PCDHGB3: variants seen among roughly 807,000 people sequenced by gnomAD.
PCDHGB3 encodes protocadherin gamma subfamily B, 3, also known as protocadherin gamma-B3.
Under a neutral mutation model 59.2 loss-of-function variants are expected in PCDHGB3, and 40 were observed. That is an observed-to-expected ratio of 0.68 (90% confidence interval 0.52 to 0.88). PCDHGB3 has a LOEUF of 0.88. Among genes scored for constraint, PCDHGB3 ranks in the 40% least tolerant of loss-of-function variants. The pLI is 0.00. For missense variants in PCDHGB3, 1,309 were observed against 1,187.9 expected (o/e 1.10, Z -1.50); for synonymous variants, 581 against 503.6 (o/e 1.15, Z -2.06).
intron 1 of PCDHGB3, among the ~76,000 whole-genome samples, chr5:141,458,380 G>T (rs1592559992): frequency 6.6e-6 from 1 of 152,136 alleles, no homozygotes; most frequent in African/African-American, 2.4e-5. Flanking sequence ...AAGAGAGAAG[G>T]AAGACGCTCC....
chr5:141,421,389 G>T (rs200646513), intron 1 of PCDHGB3: 1 of 1,613,934 alleles, frequency 6.2e-7, no homozygotes, highest in African/African-American at 1.3e-5. Context: ...AGGACCTGGG[G>T]CTGGAGCCCC....
At chr5:141,403,546 C>A (rs62378450) in intron 1 of PCDHGB3, 1 of 1,613,984 alleles carries the variant, frequency 6.2e-7, no homozygotes, top group South Asian at 1.1e-5. Flanking sequence ...TGCTGGAGCG[C>A]GCCCTGGACA....
intron 1 of PCDHGB3, chr5:141,415,797 C>G (rs940812419): frequency 3.9e-5 from 52 of 1,331,434 alleles, no homozygotes; most frequent in Non-Finnish European, 4.8e-5. Context: ...TTCACCTAGT[C>G]TCAATCAAGG....
intron 1 of PCDHGB3, chr5:141,478,819 C>G (rs927315523): frequency 2.1e-6 from 3 of 1,447,842 alleles, no homozygotes; most frequent in Non-Finnish European, 2.7e-6. Context: ...CACAACTAAC[C>G]AATCTTGCTA....
intron 1 of PCDHGB3, among the ~76,000 whole-genome samples, chr5:141,482,329 T>C (rs1334833454): frequency 6.6e-6 from 1 of 152,160 alleles, no homozygotes; most frequent in Non-Finnish European, 1.5e-5. Context: ...ATAAAGAGAA[T>C]ATCTACTTTG....
At chr5:141,375,224 C>T in intron 1 of PCDHGB3, 1 of 1,613,976 alleles carries the variant, frequency 6.2e-7, no homozygotes, top group South Asian at 1.1e-5. Context: ...CCTGAATGGC[C>T]TGGTAACCTG....
chr5:141,391,885 G>C (rs1250781964), intron 1 of PCDHGB3: 2 of 152,194 alleles, frequency 1.3e-5, no homozygotes, highest in Non-Finnish European at 2.9e-5. Flanking sequence ...TGGTGAAAGG[G>C]ATGGGATGGA....
intron 1 of PCDHGB3, chr5:141,388,942 T>C: frequency 6.2e-7 from 1 of 1,614,004 alleles, no homozygotes; most frequent in African/African-American, 1.3e-5. Flanking sequence ...CTACCCAACC[T>C]AATTATGGAG....
chr5:141,459,545 T>G (rs534173050), intron 1 of PCDHGB3, among the ~76,000 whole-genome samples: 81 of 152,348 alleles, frequency 5.3e-4, no homozygotes, highest in South Asian at 1.0e-3. Context: ...TTTTTTTATT[T>G]CTCTTGGATA....
chr5:141,374,528 T>C (rs759567011), intron 1 of PCDHGB3: 27 of 1,612,930 alleles, frequency 1.7e-5, no homozygotes, highest in Non-Finnish European at 2.1e-5. Context: ...CGCAGCTCCA[T>C]CCTCTCGTTT....
At chr5:141,392,820 G>T in intron 1 of PCDHGB3, 1 of 1,592,868 alleles carries the variant, frequency 6.3e-7, no homozygotes. Flanking sequence ...AACAATGGCC[G>T]CTCCACAGAG....
At chr5:141,454,428 CAG>C (rs1412897540) in intron 1 of PCDHGB3, among the ~76,000 whole-genome samples, 1 of 152,172 alleles carries the variant, frequency 6.6e-6, no homozygotes, top group Admixed American at 6.5e-5. Flanking sequence ...TATTTAGAGA[CAG>C]AGTTTCACTC....
At chr5:141,395,807 A>G (rs1561656089) in intron 1 of PCDHGB3, 1 of 152,004 alleles carries the variant, frequency 6.6e-6, no homozygotes, top group Non-Finnish European at 1.5e-5. Context: ...ATCCTTCAAA[A>G]CATGAACAAA....
At chr5:141,436,738 G>T (rs1207400781) in intron 1 of PCDHGB3, among the ~76,000 whole-genome samples, 2 of 152,306 alleles carry the variant, frequency 1.3e-5, no homozygotes, top group South Asian at 2.1e-4. Context: ...AATGATTTTT[G>T]TGTGCTTCTC....
chr5:141,501,130 G>A (rs528942194), intron 2 of PCDHGB3, among the ~76,000 whole-genome samples: 5 of 152,100 alleles, frequency 3.3e-5, no homozygotes, highest in African/African-American at 4.8e-5. Flanking sequence ...GCCTCCCTAA[G>A]TGCTGGGATT....
At chr5:141,437,878 C>A (rs1047761465) in intron 1 of PCDHGB3, among the ~76,000 whole-genome samples, 13 of 151,996 alleles carry the variant, frequency 8.6e-5, no homozygotes, top group Non-Finnish European at 1.5e-4. Flanking sequence ...GCTGGGACTA[C>A]AGGCACACGC....
chr5:141,432,615 T>G lies in PCDHGB3; in HGVS notation c.2415+59806T>G. ...GCCAGCGAGCCGGGACTCTTCTCGG[T>G]GGGTCTGCACACGGGCGAGGTGCGC... On this transcript the variant is annotated intron_variant, in intron 1 of 3. Coordinates refer to ENST00000576222, the MANE Select transcript of PCDHGB3 (RefSeq NM_018924.5). The surrounding 1 kb of genome is among the most constrained non-coding windows in gnomAD (Gnocchi z 6.0). The G allele has an allele frequency of 2.5e-6, 4 of 1,613,820 alleles. No homozygotes were observed. The highest frequency in any genetic ancestry group is 1.1e-5 in the South Asian group (1 of 91,054).
chr5:141,464,640 C>T (rs1482089475), intron 1 of PCDHGB3, among the ~76,000 whole-genome samples: 2 of 151,952 alleles, frequency 1.3e-5, no homozygotes, highest in Admixed American at 6.6e-5. Context: ...TTGTTGCCAA[C>T]CTGATGGGTA....
At chr5:141,481,035 G>C (rs1342607604) in intron 1 of PCDHGB3, among the ~76,000 whole-genome samples, 1 of 152,094 alleles carries the variant, frequency 6.6e-6, no homozygotes, top group Non-Finnish European at 1.5e-5. Flanking sequence ...TCCAGCCTGG[G>C]CGACAGAGCG....
Sources: gnomAD v4.1 joint callset for allele counts (sites outside exome capture counted in the v4.1 genomes callset) on GRCh38, gnomAD v4.1.1 for gene constraint, Gnocchi (gnomAD v3.1) non-coding constraint, MANE v1.5 for transcripts, NCBI Gene and HGNC (gene_info 2026-07-23, HGNC 2026-07-21) for gene names.